Variants in OCRL observed in about 807,000 individuals in gnomAD.
OCRL encodes the protein inositol polyphosphate 5-phosphatase OCRL.
Under a neutral mutation model 78.9 loss-of-function variants are expected in OCRL, and 8 were observed. The ratio of observed to expected loss-of-function variants is 0.10; its 90% CI spans 0.06 to 0.18. OCRL has a LOEUF of 0.18. OCRL is among the 10% of genes least tolerant of loss of function. The pLI is 1.00. For synonymous variants in OCRL, 240 were observed against 235.4 expected, an observed-to-expected ratio of 1.02 and a Z score of -0.18; for missense variants, 454 against 696.7, an observed-to-expected ratio of 0.65 and a Z score of 3.92.
intron 15 of OCRL, among the ~76,000 whole-genome samples, chrX:129,571,715 G>A (rs748849017): frequency 1.8e-5 from 2 of 110,919 alleles, no homozygotes; most frequent in Non-Finnish European, 3.8e-5. Flanking sequence ...GGCTTCCTGT[G>A]TATTTATGTA....
chrX:129,565,950 G>A, intron 13 of OCRL, 67 bp downstream of exon 13: 2 of 760,724 alleles, frequency 2.6e-6, no homozygotes, highest in Non-Finnish European at 4.1e-6. Flanking sequence ...GTTATGGGAG[G>A]TATATCTTAC....
At chrX:129,567,974 C>T (rs1025175509) in intron 14 of OCRL, among the ~76,000 whole-genome samples, 5 of 102,096 alleles carry the variant, frequency 4.9e-5, no homozygotes, top group African/African-American at 1.1e-4. Context: ...ACTGCAGTGG[C>T]GCAATCTCGG....
chrX:129,541,673 C>G (rs1444206364), intron 2 of OCRL, among the ~76,000 whole-genome samples: 1 of 112,413 alleles, frequency 8.9e-6, no homozygotes, highest in East Asian at 2.8e-4. Flanking sequence ...TCATTGGCTT[C>G]TTGACATCAT....
chrX:129,557,744 C>T lies in OCRL; in HGVS notation c.350-117C>T, dbSNP rs1936079264. 3 of 594,717 alleles carry T rather than the reference C, an allele frequency of 5.0e-6. No individual in the cohort carries two copies. The Admixed American group carries it at 6.7e-5, about 13-fold the overall frequency. 49.0% of individuals were successfully genotyped at this position (594,717 alleles called of 1,213,427 possible). On this transcript the variant is annotated intron_variant, in intron 5 of 23. Transcript: ENST00000371113. ...ATTTCCTTAGTTTCTTCCACTGTAT[C>T]CAAAAATGGTGCTGGCCCCTGCATA...
intron 3 of OCRL, among the ~76,000 whole-genome samples, chrX:129,547,112 C>G (rs1935889702): frequency 9.0e-6 from 1 of 111,021 alleles, no homozygotes; most frequent in African/African-American, 3.3e-5. Context: ...ACATGTAGTC[C>G]CAGCTACTTG....
chrX:129,553,929 C>G (rs769250551), intron 4 of OCRL, among the ~76,000 whole-genome samples: 9 of 110,515 alleles, frequency 8.1e-5, no homozygotes, highest in Non-Finnish European at 1.1e-4. Flanking sequence ...TTTACCCCCT[C>G]TGCTTGTTCA....
chrX:129,567,902 CTTTTTTTTTTTT>C (rs56035022), intron 14 of OCRL, among the ~76,000 whole-genome samples: 1 of 91,427 alleles, frequency 1.1e-5, no homozygotes, highest in African/African-American at 4.1e-5. Context: ...TTAGTAGACC[CTTTTTTTTTTTT>C]TTTTTTTTTT....
intron 15 of OCRL, among the ~76,000 whole-genome samples, chrX:129,572,862 G>T (rs1258783787): frequency 1.8e-5 from 2 of 111,899 alleles, no homozygotes; most frequent in Non-Finnish European, 3.8e-5. Flanking sequence ...ATATTGGAAA[G>T]AGTCTTAAAC....
At chrX:129,552,488 G>A (rs778864775) in intron 4 of OCRL, among the ~76,000 whole-genome samples, 1 of 111,773 alleles carries the variant, frequency 8.9e-6, no homozygotes, top group African/African-American at 3.3e-5. Flanking sequence ...GCAGTGGCGC[G>A]ATCTCAGCTC....
In OCRL at chrX:129,558,604, C is replaced by T. The variant is rs749777138; in HGVS notation, c.440-29C>T. 10 of 1,209,269 alleles carry T rather than the reference C, an allele frequency of 8.3e-6. No homozygotes were observed. The South Asian group carries it at 1.4e-4, about 17-fold the overall frequency. ...TATGTTGGATGTTAGATTTTTTCCC[C>T]GTTTGACTTTGGGGTCTGTGTCTTT... On this transcript the variant is annotated intron_variant, in intron 6 of 23. Transcript: ENST00000371113.
rs1047673866 is a variant in OCRL, at chrX:129,557,289, C to G, written c.239-36C>G. On this transcript the variant is annotated intron_variant, in intron 4 of 23. Transcript: ENST00000371113. The stretch of plus-strand genomic sequence containing the variant: ...ATGATCCCAGTAAAACATTTTATCC[C>G]ATAGCAGTATATGTATGGATTTCAA... 7 of 1,093,026 alleles carry G rather than the reference C, an allele frequency of 6.4e-6. No homozygotes were observed. The African/African-American group carries it at 7.3e-5, about 11-fold the overall frequency. The allele number at this position is 1,093,026 out of a possible 1,213,427, so 90.1% of individuals were successfully genotyped here.
At chrX:129,578,832 T>A (rs2124421122) in intron 18 of OCRL, among the ~76,000 whole-genome samples, 1 of 111,072 alleles carries the variant, frequency 9.0e-6, no homozygotes, top group South Asian at 3.8e-4. Flanking sequence ...ATTACAGAAT[T>A]TCTGAGTTTT....
rs757308479 is a variant in OCRL at position 129,587,091 on chromosome X, T to A, written c.2229T>A (p.Asp743Glu). 2 of 1,195,366 alleles carry A rather than the reference T, an allele frequency of 1.7e-6. No homozygotes were observed. Among genetic ancestry groups the A allele is most frequent in the African/African-American group, 3.5e-5 (2 of 56,798 alleles). The change falls in exon 20 of 24, where the codon GAT (aspartate) becomes GAA (glutamate). Residue 743 changes from aspartate (D) to glutamate (E), a missense_variant. Transcript: ENST00000371113. ...QVPKEIWLLV[D>E]HLFKYACHQE... The stretch of plus-strand genomic sequence containing the variant: ...CCAAGGAGATCTGGCTTCTAGTAGA[T>A]CACCTATTCAAATACGCCTGTCACC...
Position 129,541,944 on chromosome X carries a change from C to T in OCRL, c.119+1121C>T, listed in dbSNP as rs187122796. On this transcript the variant is annotated intron_variant, in intron 2 of 23. Transcript: ENST00000371113. ...AGCTCTACTGGGAAGTTCATCAAAC[C>T]CGGATTTCATCAAACCCTGGAAGAC... 1.2e-4 allele frequency among the ~76,000 whole-genome samples: 13 copies of T among 112,012 alleles called. No homozygotes were observed. The East Asian group carries it at 3.1e-3, about 26-fold the overall frequency.
rs753156526 is a variant in OCRL, at chrX:129,548,552, T to C, written c.200-11T>C. On this transcript the variant is annotated splice_polypyrimidine_tract_variant and intron_variant, in intron 3 of 23. Coordinates refer to ENST00000371113, the MANE Select transcript of OCRL (RefSeq NM_000276.4). ...TTCCCTAATCCTACTCTCTTTTTTT[T>C]CCCCTCTCAGAAGCAGAAGAAACTC... 6 of 1,194,572 alleles carry C rather than the reference T, an allele frequency of 5.0e-6. No homozygotes were observed. The highest frequency in any genetic ancestry group is 3.5e-5 in the South Asian group (2 of 56,499).
chrX:129,575,093 T>G, intron 15 of OCRL, 47 bp from the exon 16 acceptor site: 1 of 894,509 alleles, frequency 1.1e-6, no homozygotes, highest in Non-Finnish European at 1.7e-6. Context: ...CCAAGGGAGA[T>G]GAGCTAGAAG....
At chrX:129,585,660 A>G (rs1936502788) in intron 19 of OCRL, among the ~76,000 whole-genome samples, 1 of 112,051 alleles carries the variant, frequency 8.9e-6, no homozygotes, top group Non-Finnish European at 1.9e-5. Flanking sequence ...ATGAATATCA[A>G]GTGATAGAAT....
chrX:129,573,420 C>T (rs1231037471), intron 15 of OCRL, among the ~76,000 whole-genome samples: 1 of 111,324 alleles, frequency 9.0e-6, no homozygotes, highest in African/African-American at 3.3e-5. Context: ...GTGTTGTTCC[C>T]CTCCCTGTGT....
At chrX:129,557,301 T>C (rs906530328) in intron 4 of OCRL, 24 bp from the exon 5 acceptor site, 9 of 1,136,585 alleles carry the variant, frequency 7.9e-6, no homozygotes, top group Non-Finnish European at 9.7e-6. Context: ...TAGCAGTATA[T>C]GTATGGATTT....
Sources: allele counts gnomAD v4.1 joint callset (sites outside exome capture counted in the v4.1 genomes callset), GRCh38; gene constraint gnomAD v4.1.1; transcripts MANE v1.5; gene names NCBI Gene and HGNC (gene_info 2026-07-23, HGNC 2026-07-21).